Variants in MFN1 observed in about 807,000 individuals in gnomAD.
The protein encoded by MFN1 is mitofusin-1.
A neutral mutation model predicts 92.4 loss-of-function variants in MFN1; 65 were observed. That is an observed-to-expected ratio of 0.70 (90% CI 0.58 to 0.86). The LOEUF (loss-of-function observed/expected upper bound fraction) is 0.86, where lower values mean the gene tolerates loss of function less well. Ranked by LOEUF, MFN1 falls within the 40% of genes least tolerant of loss-of-function variation. The probability of loss-of-function intolerance (pLI) is 0.00; values close to 1 mark genes in which losing one functional copy is unlikely to be tolerated. For missense variants in MFN1, 781 were observed against 868.0 expected (o/e 0.90, Z 1.26); for synonymous variants, 297 against 300.9 (o/e 0.99, Z 0.13).
intron 16 of MFN1, among the ~76,000 whole-genome samples, chr3:179,387,984 G>T (rs566748141): frequency 1.3e-5 from 2 of 151,568 alleles, no homozygotes; most frequent in African/African-American, 4.8e-5. Context: ...CACTCGCCTC[G>T]GCCTCCCAAA....
chr3:179,373,885 G>C (rs1713117896), intron 9 of MFN1, among the ~76,000 whole-genome samples: 1 of 151,934 alleles, frequency 6.6e-6, no homozygotes, highest in African/African-American at 2.4e-5. Flanking sequence ...ATGTTAGCCT[G>C]GATGGTCTCA....
chr3:179,358,127 AGTCACCCAGT>A (rs1248183128), intron 3 of MFN1, among the ~76,000 whole-genome samples: 1 of 149,442 alleles, frequency 6.7e-6, no homozygotes, highest in Non-Finnish European at 1.5e-5. Context: ...TAGTCTTGGA[AGTCACCCAGT>A]GTCACTCATT....
rs563369856 is a variant in MFN1, at chr3:179,358,160, T to G, written c.249-680T>G. On this transcript the variant is annotated intron_variant, in intron 3 of 17. Transcript: ENST00000471841. ...AGTGTCACTCATTTTGTTTTTTTTT[T>G]TTTTTTTTGAGACTCAGTCTGGCTC... Among the ~76,000 whole-genome samples the G allele has an allele frequency of 6.7e-5, 10 of 149,066 alleles. No individual in the cohort carries two copies. The East Asian group carries it at 1.2e-3, about 17-fold the overall frequency.
intron 9 of MFN1, 23 bp downstream of exon 9, chr3:179,368,126 G>T: frequency 6.6e-7 from 1 of 1,505,554 alleles, no homozygotes; most frequent in Non-Finnish European, 9.0e-7. Flanking sequence ...TGATTGTATT[G>T]CCTAATACAA....
At chr3:179,375,178 G>A (rs750993218) in intron 9 of MFN1, 42 bp from the exon 10 acceptor site, 31 of 1,507,036 alleles carry the variant, frequency 2.1e-5, no homozygotes, top group Non-Finnish European at 2.5e-5. Context: ...AAAATGTTGC[G>A]ATGGAATTAC....
chr3:179,370,332 C>T (rs566783009), intron 9 of MFN1, among the ~76,000 whole-genome samples: 4 of 151,128 alleles, frequency 2.6e-5, no homozygotes, highest in Admixed American at 2.6e-4. Context: ...GACACAGCCC[C>T]AGCTCTTATG....
intron 7 of MFN1, among the ~76,000 whole-genome samples, chr3:179,365,960 T>C (rs1375948186): frequency 6.6e-6 from 1 of 152,264 alleles, no homozygotes; most frequent in Admixed American, 6.5e-5. Flanking sequence ...TTATGAATGC[T>C]ACTGTGCATA....
intron 2 of MFN1, 128 bp from the exon 3 acceptor site, chr3:179,351,772 C>A: frequency 1.2e-6 from 1 of 823,852 alleles, no homozygotes; most frequent in Non-Finnish European, 1.8e-6. Flanking sequence ...CACCTTTTAC[C>A]AAACATTGAG....
chr3:179,364,374 T>C lies in MFN1; in HGVS notation c.614T>C (p.Val205Ala). 6.2e-7 allele frequency: 1 copy of C among 1,613,432 alleles called. No homozygotes were observed. Among genetic ancestry groups the C allele is most frequent in the Non-Finnish European group, 8.5e-7 (1 of 1,179,450 alleles). The change falls in exon 6 of 18, where the codon GTC becomes GCC. Residue 205 changes from valine to alanine, a missense_variant. By Grantham distance (64) the Val-to-Ala change is moderately conservative. Coordinates refer to ENST00000471841, the MANE Select transcript of MFN1 (RefSeq NM_033540.3). ...CTAGATGCTGATGTCTTTGTTTTGG[T>C]CGCAAACTCTGAATCAACACTAATG... ...FCLDADVFVL[V>A]ANSESTLMNT...
At chr3:179,369,757 C>A (rs900972794) in intron 9 of MFN1, among the ~76,000 whole-genome samples, 1 of 152,126 alleles carries the variant, frequency 6.6e-6, no homozygotes, top group South Asian at 2.1e-4. Flanking sequence ...TTCAAAGTTC[C>A]CCAAGTGATT....
chr3:179,380,117 C>G (rs149864836), intron 14 of MFN1, among the ~76,000 whole-genome samples: 2 of 152,252 alleles, frequency 1.3e-5, no homozygotes, highest in Admixed American at 1.3e-4. Flanking sequence ...GGTAAGATAG[C>G]ATTAACTTTT....
chr3:179,378,403 A>C lies in MFN1; in HGVS notation c.1392A>C (p.Glu464Asp). The change falls in exon 13 of 18, where the codon GAA (glutamate) becomes GAC (aspartate). Residue 464 changes from glutamate to aspartate, a missense_variant. Glu to Asp is a conservative substitution (Grantham distance 45). Coordinates refer to ENST00000471841, the MANE Select transcript of MFN1 (RefSeq NM_033540.3). ...GRNLADRCTD[E>D]VNALVLQTQQ... ...ATTTGGCTGATCGATGCACCGATGA[A>C]GTAAACGCCTTAGTGCTTCAGACCC... The C allele has an allele frequency of 6.2e-7, 1 of 1,607,000 alleles. No individual in the cohort carries two copies. The highest frequency in any genetic ancestry group is 8.5e-7 in the Non-Finnish European group (1 of 1,178,222).
chr3:179,358,088 T>C (rs1324474882), intron 3 of MFN1, among the ~76,000 whole-genome samples: 1 of 151,560 alleles, frequency 6.6e-6, no homozygotes, highest in Non-Finnish European at 1.5e-5. Context: ...GGGAACAAGA[T>C]AGAAGAACCT....
intron 7 of MFN1, 92 bp downstream of exon 7, chr3:179,365,317 A>G (rs1011685948): frequency 1.3e-5 from 9 of 715,400 alleles, no homozygotes; most frequent in African/African-American, 7.6e-5. Context: ...ATAGAAAATT[A>G]TAAGAGCTAT....
At chr3:179,354,301 G>A (rs1042207703) in intron 3 of MFN1, among the ~76,000 whole-genome samples, 14 of 152,238 alleles carry the variant, frequency 9.2e-5, no homozygotes, top group African/African-American at 3.4e-4. Context: ...TCAAGTAGTT[G>A]AATTTAAGGT....
chr3:179,359,104 T>C (rs954517730), intron 4 of MFN1, 102 bp downstream of exon 4: 19 of 1,256,548 alleles, frequency 1.5e-5, no homozygotes, highest in African/African-American at 3.1e-5. Flanking sequence ...TGACATCTTA[T>C]AAAAAGAACT....
intron 3 of MFN1, among the ~76,000 whole-genome samples, chr3:179,353,055 ATT>A (rs11408958): frequency 7.2e-6 from 1 of 139,770 alleles, no homozygotes; most frequent in Non-Finnish European, 1.6e-5. Context: ...TCCAGCCTAA[ATT>A]TTTTTTTTTT....
At chr3:179,372,491 T>G (rs1035919116) in intron 9 of MFN1, among the ~76,000 whole-genome samples, 1 of 152,164 alleles carries the variant, frequency 6.6e-6, no homozygotes, top group Non-Finnish European at 1.5e-5. Context: ...AGAAATAACT[T>G]AGAAGGGGAA....
intron 16 of MFN1, among the ~76,000 whole-genome samples, chr3:179,387,976 C>G (rs760729496): frequency 1.3e-5 from 2 of 152,026 alleles, no homozygotes; most frequent in African/African-American, 4.8e-5. Flanking sequence ...TCATGATCCA[C>G]TCGCCTCGGC....
Sources: allele counts gnomAD v4.1 joint callset (sites outside exome capture counted in the v4.1 genomes callset), GRCh38; gene constraint gnomAD v4.1.1; transcripts MANE v1.5; gene names NCBI Gene and HGNC (gene_info 2026-07-23, HGNC 2026-07-21).